Variants in CELSR3 observed in about 807,000 individuals in gnomAD.
CELSR3 encodes EGF-like protein 1.
In CELSR3, 73 loss-of-function variants were observed where a neutral mutation model predicts 270.0. The ratio of observed to expected loss-of-function variants is 0.27; its 90% CI spans 0.22 to 0.33. The LOEUF (loss-of-function observed/expected upper bound fraction) is 0.33. CELSR3 is among the 10% of genes least tolerant of loss of function. CELSR3 has a pLI of 1.00. For missense variants in CELSR3, 3,614 were observed against 4,533.8 expected (o/e 0.80, Z 5.83); for synonymous variants, 1,780 against 1,905.4 (o/e 0.93, Z 1.71).
At chr3:48,648,627 A>G in intron 18 of CELSR3, 92 bp downstream of exon 18, 1 of 1,473,542 alleles carries the variant, frequency 6.8e-7, no homozygotes, top group Non-Finnish European at 9.1e-7. Context: ...TTCACTTCCC[A>G]AGAGAACAGC....
In CELSR3 at chr3:48,653,329, G is replaced by T; in HGVS notation, c.5449-142C>A. The T allele has an allele frequency of 1.3e-6, 1 of 782,552 alleles. No individual in the cohort carries two copies. Among genetic ancestry groups the T allele is most frequent in the Non-Finnish European group, 2.0e-6 (1 of 490,686 alleles). 48.5% of individuals were successfully genotyped at this position (782,552 alleles called of 1,614,324 possible). A position where few individuals can be genotyped will look rare whatever the true frequency, so the allele number is the denominator to read the frequency against. On this transcript the variant is annotated intron_variant, in intron 9 of 34. Coordinates refer to ENST00000164024, the MANE Select transcript of CELSR3 (RefSeq NM_001407.3). The surrounding 1 kb of genome is among the most constrained non-coding windows in gnomAD (Gnocchi z 6.5). ...TTATACCTGGCACAAAGGGCACTGT[G>T]CCAGGGGACATCATGTTGCTGATAT...
At position 48,640,989 on chromosome 3, in the gene CELSR3, G is replaced by A. The variant is rs2047021294; in HGVS notation, c.9025+335C>T. The stretch of plus-strand genomic sequence containing the variant: ...GGTCCCCATAAAAGCAGAGTAGGGG[G>A]CAGAAATCTTCCAGATCAGAGCACG... On this transcript the variant is annotated intron_variant, in intron 33 of 34. Coordinates refer to ENST00000164024, the MANE Select transcript of CELSR3 (RefSeq NM_001407.3). This position sits in a 1 kb window ranked among gnomAD's most constrained non-coding sequence, Gnocchi z 7.5. The A allele has an allele frequency of 2.7e-6, 1 of 363,916 alleles. No individual in the cohort carries two copies. 22.5% of individuals were successfully genotyped at this position (363,916 alleles called of 1,614,324 possible).
rs2047145986 is a variant in CELSR3, at chr3:48,652,457, C to A, written c.5731G>T (p.Gly1911Cys). The A allele has an allele frequency of 6.2e-7, 1 of 1,613,628 alleles. No homozygotes were observed. The highest frequency in any genetic ancestry group is 1.7e-5 in the Admixed American group (1 of 59,998). The part of the protein sequence containing the change: ...PPGSAEEAPQ[G>C]LVGCIQGVWL... ...CCCACCTGGATGCAGCCAACCAGACCCTGAGGAGCCTCCTCTGCACTGCCG... is the reference window on the plus strand; with the variant it reads ...CCCACCTGGATGCAGCCAACCAGACACTGAGGAGCCTCCTCTGCACTGCCG... The change falls in exon 11 of 35, where the codon GGT (glycine) becomes TGT (cysteine). Residue 1911 changes from glycine to cysteine, a missense_variant. Physicochemically the swap from Gly to Cys is radical, Grantham distance 159. Coordinates refer to ENST00000164024, the MANE Select transcript of CELSR3 (RefSeq NM_001407.3). The surrounding 1 kb of genome is among the most constrained non-coding windows in gnomAD (Gnocchi z 4.3).
Position 48,651,704 on chromosome 3 carries a change from C to A in CELSR3, c.5938G>T (p.Gly1980Cys). Residue 1980 changes from glycine (G) to cysteine (C), a missense_variant, in exon 13 of 35, where the codon GGC (glycine) becomes TGC (cysteine). Gly to Cys is a radical substitution (Grantham distance 159). Coordinates refer to ENST00000164024, the MANE Select transcript of CELSR3 (RefSeq NM_001407.3). This position sits in a 1 kb window ranked among gnomAD's most constrained non-coding sequence, Gnocchi z 7.4. ...CTCQPGYYGP[G>C]CVDACLLNPC... is the part of the protein sequence containing the mutation. ...TTCAGGAGGCAGGCATCCACACAGC[C>A]TGGGCCGTAGTAACCTGCAGATTGG... is the stretch of plus-strand genomic sequence containing the variant. 6.4e-7 allele frequency: 1 copy of A among 1,555,804 alleles called. No homozygotes were observed. The highest frequency in any genetic ancestry group is 8.7e-7 in the Non-Finnish European group (1 of 1,155,630).
rs557884107 is a variant in CELSR3 at position 48,661,765 on chromosome 3, G to A, written c.870C>T (p.Arg290=). Residue 290 remains arginine (R), a synonymous_variant, in exon 1 of 35, where the codon CGC becomes CGT. Coordinates refer to ENST00000164024, the MANE Select transcript of CELSR3 (RefSeq NM_001407.3). The part of the protein sequence containing the change: ...GLFRCRFLPQ[R]PGPRPPGLPA... ...GGAGTCCCGGGGGACGCGGCCCGGG[G>A]CGCTGCGGGAGGAAGCGGCAGCGGA... 3.1e-6 allele frequency: 5 copies of A among 1,595,754 alleles called. No individual in the cohort carries two copies. The highest frequency in any genetic ancestry group is 4.3e-6 in the Non-Finnish European group (5 of 1,173,080).
chr3:48,650,443 C>A lies in CELSR3; in HGVS notation c.6472+37G>T. On this transcript the variant is annotated intron_variant, in intron 16 of 34. Transcript: ENST00000164024. This position sits in a 1 kb window ranked among gnomAD's most constrained non-coding sequence, Gnocchi z 5.1. ...TAGCAGTCAGAGTACAGGCCCACCC[C>A]CACCCTCAGTGATGTCCTTTCCCCC... The A allele has an allele frequency of 1.1e-6, 1 of 909,826 alleles. No individual in the cohort carries two copies. 56.4% of individuals were successfully genotyped at this position (909,826 alleles called of 1,614,324 possible).
Position 48,652,938 on chromosome 3 carries a change from G to A in CELSR3, c.5634+64C>T. 1 of 1,370,200 alleles carries A rather than the reference G, an allele frequency of 7.3e-7. No individual in the cohort carries two copies. Among genetic ancestry groups the A allele is most frequent in the Non-Finnish European group, 1.0e-6 (1 of 971,274 alleles). The allele number at this position is 1,370,200 out of a possible 1,614,324, so 84.9% of individuals were successfully genotyped here. A position where few individuals can be genotyped will look rare whatever the true frequency, so the allele number is the denominator to read the frequency against. On this transcript the variant is annotated intron_variant, in intron 10 of 34. Coordinates refer to ENST00000164024, the MANE Select transcript of CELSR3 (RefSeq NM_001407.3). This position sits in a 1 kb window ranked among gnomAD's most constrained non-coding sequence, Gnocchi z 4.3. ...CTGAGAGGAGCTGGACTAGAGGTGG[G>A]GTCAAATAAGGCGGATCTGGTTGGA... is the stretch of plus-strand genomic sequence containing the variant.
chr3:48,640,968 C>A lies in CELSR3; in HGVS notation c.9025+356G>T. 5.5e-6 allele frequency: 2 copies of A among 365,538 alleles called. No individual in the cohort carries two copies. Among genetic ancestry groups the A allele is most frequent in the Non-Finnish European group, 9.9e-6 (2 of 202,614 alleles). 22.6% of individuals were successfully genotyped at this position (365,538 alleles called of 1,614,324 possible). ...AGGGCAGAAACCTCTTCTCCGGGTC[C>A]CCATAAAAGCAGAGTAGGGGGCAGA... On this transcript the variant is annotated intron_variant, in intron 33 of 34. Transcript: ENST00000164024. This position sits in a 1 kb window ranked among gnomAD's most constrained non-coding sequence, Gnocchi z 7.5.
intron 28 of CELSR3, 125 bp downstream of exon 28, chr3:48,643,428 AC>A: frequency 3.7e-6 from 5 of 1,337,342 alleles, no homozygotes; most frequent in Non-Finnish European, 4.0e-6. Context: ...CTGGGGTAGT[AC>A]CCAGCCTGGC....
Position 48,662,382 on chromosome 3 carries a change from A to C in CELSR3, c.253T>G (p.Phe85Val). The C allele has an allele frequency of 6.2e-7, 1 of 1,612,892 alleles. No individual in the cohort carries two copies. Among genetic ancestry groups the C allele is most frequent in the South Asian group, 1.1e-5 (1 of 91,074 alleles). Reference protein sequence around the residue: ...GPGLGVREPIFVGLRGRRQSA... With the variant: ...GPGLGVREPIVVGLRGRRQSA... The stretch of plus-strand genomic sequence containing the variant: ...TGCCTTCTCCCTCGGAGCCCCACGA[A>C]GATAGGCTCCCTGACCCCCAGGCCA... Residue 85 changes from phenylalanine (F) to valine (V), a missense_variant, in exon 1 of 35, where the codon TTC (phenylalanine) becomes GTC (valine). Physicochemically the swap from Phe to Val is conservative, Grantham distance 50. Transcript: ENST00000164024. The surrounding 1 kb of genome is among the most constrained non-coding windows in gnomAD (Gnocchi z 7.1).
chr3:48,651,822 A>C lies in CELSR3; in HGVS notation c.5923+55T>G. 1 of 1,556,762 alleles carries C rather than the reference A, an allele frequency of 6.4e-7. No homozygotes were observed. Among genetic ancestry groups the C allele is most frequent in the South Asian group, 1.2e-5 (1 of 81,478 alleles). On this transcript the variant is annotated intron_variant, in intron 12 of 34. Coordinates refer to ENST00000164024, the MANE Select transcript of CELSR3 (RefSeq NM_001407.3). The surrounding 1 kb of genome is among the most constrained non-coding windows in gnomAD (Gnocchi z 7.4). ...TCCTTCAGGTTCCCCAGTCTTCATC[A>C]TGGGCCCCTAACGCCTGCCCAGGTC...
Position 48,645,108 on chromosome 3 carries a change from C to T in CELSR3, c.7899G>A (p.Glu2633=), listed in dbSNP as rs1478029723. 1 of 1,605,672 alleles carries T rather than the reference C, an allele frequency of 6.2e-7. No homozygotes were observed. The highest frequency in any genetic ancestry group is 8.5e-7 in the Non-Finnish European group (1 of 1,174,124). ...TGGCGCCGCGGTCCACGTTGCGTGGCTCAACCTGCATGCGGTAGAGGTGCA... is the reference window on the plus strand; with the variant it reads ...TGGCGCCGCGGTCCACGTTGCGTGGTTCAACCTGCATGCGGTAGAGGTGCA... The part of the protein sequence containing the change: ...QGLHLYRMQV[E]PRNVDRGAMR... Residue 2633 remains glutamate, a synonymous_variant, in exon 25 of 35, where the codon GAG becomes GAA. Coordinates refer to ENST00000164024, the MANE Select transcript of CELSR3 (RefSeq NM_001407.3). This position sits in a 1 kb window ranked among gnomAD's most constrained non-coding sequence, Gnocchi z 5.4.
At chr3:48,656,473 C>T (rs528691024) in intron 2 of CELSR3, 108 bp from the exon 3 acceptor site, 1 of 1,181,418 alleles carries the variant, frequency 8.5e-7, no homozygotes, top group Admixed American at 3.7e-5. Context: ...CCCGAAAGGT[C>T]GCCCTCTTCG....
At position 48,652,850 on chromosome 3, in the gene CELSR3, C is replaced by G. The variant is rs1212682574; in HGVS notation, c.5634+152G>C. On this transcript the variant is annotated intron_variant, in intron 10 of 34. Transcript: ENST00000164024. The surrounding 1 kb of genome is among the most constrained non-coding windows in gnomAD (Gnocchi z 4.3). ...GACCAACTTGGCTGGTGGGTGGGCT[C>G]AGTGCAAGGATATATGGTGGGGAAC... 4.0e-6 allele frequency: 3 copies of G among 747,042 alleles called. No individual in the cohort carries two copies. In the East Asian group the frequency reaches 7.6e-5, roughly 19 times the overall value. The allele number at this position is 747,042 out of a possible 1,614,324, so 46.3% of individuals were successfully genotyped here.
chr3:48,638,347 C>T (rs970159818), intron 34 of CELSR3, 115 bp from the exon 35 acceptor site: 18 of 760,120 alleles, frequency 2.4e-5, no homozygotes, highest in Non-Finnish European at 4.3e-5. Flanking sequence ...CCACTGCTCT[C>T]GCCTCTTAGC....
rs571005527 is a variant in CELSR3 at position 48,641,157 on chromosome 3, A to G, written c.9025+167T>C. ...GGGGACAGAGAATTCCCAGGTCAGG[A>G]CAGGAGCAGTCCCTGAGGACCGTGA... is the stretch of plus-strand genomic sequence containing the variant. On this transcript the variant is annotated intron_variant, in intron 33 of 34. Coordinates refer to ENST00000164024, the MANE Select transcript of CELSR3 (RefSeq NM_001407.3). This position sits in a 1 kb window ranked among gnomAD's most constrained non-coding sequence, Gnocchi z 4.8. 96 of 615,122 alleles carry G rather than the reference A, an allele frequency of 1.6e-4. No homozygotes were observed. In the South Asian group the frequency reaches 1.8e-3, roughly 11 times the overall value. The allele number at this position is 615,122 out of a possible 1,614,324, so 38.1% of individuals were successfully genotyped here.
chr3:48,655,993 G>T lies in CELSR3; in HGVS notation c.4626-142C>A. Reference sequence around the variant, plus strand: ...GGCGGGACCGACCGGGGGGACGCGGGTGCAGCGAGGTCAGGAGACCCCGGG... The same window carrying T: ...GGCGGGACCGACCGGGGGGACGCGGTTGCAGCGAGGTCAGGAGACCCCGGG... On this transcript the variant is annotated intron_variant, in intron 3 of 34. Transcript: ENST00000164024. The surrounding 1 kb of genome is among the most constrained non-coding windows in gnomAD (Gnocchi z 5.8). 9.0e-7 allele frequency: 1 copy of T among 1,112,228 alleles called. No individual in the cohort carries two copies. The highest frequency in any genetic ancestry group is 1.3e-6 in the Non-Finnish European group (1 of 767,266). The allele number at this position is 1,112,228 out of a possible 1,614,324, so 68.9% of individuals were successfully genotyped here. A position where few individuals can be genotyped will look rare whatever the true frequency, so the allele number is the denominator to read the frequency against.
chr3:48,651,580 T>C lies in CELSR3; in HGVS notation c.6062A>G (p.His2021Arg). 6.3e-7 allele frequency: 1 copy of C among 1,577,288 alleles called. No homozygotes were observed. The highest frequency in any genetic ancestry group is 2.3e-5 in the East Asian group (1 of 44,430). The change falls in exon 13 of 35, where the codon CAC (histidine) becomes CGC (arginine). Residue 2021 changes from histidine to arginine, a missense_variant. This residue lies in a region of CELSR3 where 1,331 missense variants were observed against 1,933.7 expected (regional missense o/e 0.69). Coordinates refer to ENST00000164024, the MANE Select transcript of CELSR3 (RefSeq NM_001407.3). The surrounding 1 kb of genome is among the most constrained non-coding windows in gnomAD (Gnocchi z 7.4). ...CGCCTCAGCCCCAGCCTCTTACCTG[T>C]GCTCACAGTGGTGCCCGAAATAGCC... is the stretch of plus-strand genomic sequence containing the variant. The part of the protein sequence containing the change: ...VGGYFGHHCE[H>R]RMDQQCPRGW...
chr3:48,655,461 G>T lies in CELSR3; in HGVS notation c.4742-67C>A. ...TCGCCCCATCCCACCCGTCATATAA[G>T]CACAACCATTCCCAGGGCCACCCTG... is the stretch of plus-strand genomic sequence containing the variant. On this transcript the variant is annotated intron_variant, in intron 4 of 34. Coordinates refer to ENST00000164024, the MANE Select transcript of CELSR3 (RefSeq NM_001407.3). The surrounding 1 kb of genome is among the most constrained non-coding windows in gnomAD (Gnocchi z 5.8). 1.3e-6 allele frequency: 2 copies of T among 1,523,622 alleles called. No individual in the cohort carries two copies. The highest frequency in any genetic ancestry group is 1.8e-6 in the Non-Finnish European group (2 of 1,100,396). The allele number at this position is 1,523,622 out of a possible 1,614,324, so 94.4% of individuals were successfully genotyped here.
Sources: allele counts gnomAD v4.1 joint callset, GRCh38; gene constraint gnomAD v4.1.1; regional missense constraint gnomAD v4.1.1; non-coding constraint Gnocchi (gnomAD v3.1); transcripts MANE v1.5; gene names NCBI Gene and HGNC (gene_info 2026-07-23, HGNC 2026-07-21).